MPZL3: variants seen among roughly 807,000 people sequenced by gnomAD.
The protein encoded by MPZL3 is myelin protein zero like 3.
Under a neutral mutation model 24.8 loss-of-function variants are expected in MPZL3, and 23 were observed. The observed-to-expected ratio is 0.93, with a 90% CI of 0.67 to 1.31. The LOEUF is 1.31. Ranked by LOEUF, MPZL3 falls within the 40% of genes most tolerant of loss-of-function variation. The pLI is 0.00. For synonymous variants in MPZL3, 99 were observed against 106.5 expected (o/e 0.93, Z 0.44); for missense variants, 277 against 294.9 (o/e 0.94, Z 0.44).
At chr11:118,242,315 A>G (rs1272108619) in intron 1 of MPZL3, among the ~76,000 whole-genome samples, 2 of 152,248 alleles carry the variant, frequency 1.3e-5, no homozygotes, top group East Asian at 3.8e-4. Context: ...CAATCAAAAA[A>G]GAAAATTTTT....
rs1949303523 is a variant in MPZL3, at chr11:118,228,593, C to T, written c.*1301G>A. The T allele has an allele frequency of 1.3e-5, 2 of 152,174 alleles. No homozygotes were observed. Among genetic ancestry groups the T allele is most frequent in the Admixed American group, 6.6e-5 (1 of 15,266 alleles). 9.4% of individuals were successfully genotyped at this position (152,174 alleles called of 1,614,324 possible). On this transcript the variant is annotated 3_prime_UTR_variant, in exon 6 of 6. Transcript: ENST00000278949. ...GAGAGAATACAAAGGAGAAGTATGT[C>T]ATGCACAATCTCACTTCCTCATCTC...
chr11:118,247,595 G>A (rs1477230027), intron 1 of MPZL3, among the ~76,000 whole-genome samples: 1 of 152,108 alleles, frequency 6.6e-6, no homozygotes, highest in Non-Finnish European at 1.5e-5. Flanking sequence ...CAGAAAACCT[G>A]CTTGGAAAGT....
intron 1 of MPZL3, among the ~76,000 whole-genome samples, chr11:118,244,942 G>A (rs966206432): frequency 6.6e-6 from 1 of 152,004 alleles, no homozygotes; most frequent in Non-Finnish European, 1.5e-5. Context: ...GGGGCGTGGT[G>A]GCAGGTGCCT....
chr11:118,241,063 A>G (rs759183958), intron 1 of MPZL3, among the ~76,000 whole-genome samples: 12 of 152,202 alleles, frequency 7.9e-5, no homozygotes, highest in Non-Finnish European at 1.3e-4. Context: ...ATAAGGTACC[A>G]TTTTAAAACC....
Position 118,235,283 on chromosome 11 carries a change from A to T in MPZL3, c.617+141T>A, listed in dbSNP as rs184596271. On this transcript the variant is annotated intron_variant, in intron 4 of 5. Transcript: ENST00000278949. ...TTCAACCTTCCTTTTGGCGCCCCTT[A>T]GCAGAACTATTCTCTTTGAAAAGAA... 71 of 1,047,648 alleles carry T rather than the reference A, an allele frequency of 6.8e-5. No individual in the cohort carries two copies. The East Asian group carries it at 1.6e-3, about 23-fold the overall frequency. The allele number at this position is 1,047,648 out of a possible 1,614,324, so 64.9% of individuals were successfully genotyped here. A position where few individuals can be genotyped will look rare whatever the true frequency, so the allele number is the denominator to read the frequency against.
chr11:118,245,328 C>A (rs1173286195), intron 1 of MPZL3, among the ~76,000 whole-genome samples: 1 of 151,986 alleles, frequency 6.6e-6, no homozygotes, highest in African/African-American at 2.4e-5. Context: ...GGCAATAGAG[C>A]AAGACTTCAT....
In MPZL3 at chr11:118,233,511, C is replaced by A; in HGVS notation, c.630G>T (p.Glu210Asp). The part of the protein sequence containing the change: ...SIEVSDDTDQ[E>D]EEEACMARLC... ...GCCTCGCCATACACGCCTCTTCCTC[C>A]TCCTGATCAGTGCTGTAAAAAGAGG... The change falls in exon 5 of 6, where the codon GAG (glutamate) becomes GAT (aspartate). Residue 210 changes from glutamate (E) to aspartate (D), a missense_variant. Coordinates refer to ENST00000278949, the MANE Select transcript of MPZL3 (RefSeq NM_198275.3). The A allele has an allele frequency of 6.2e-7, 1 of 1,613,864 alleles. No homozygotes were observed. The highest frequency in any genetic ancestry group is 8.5e-7 in the Non-Finnish European group (1 of 1,179,858).
At position 118,228,567 on chromosome 11, in the gene MPZL3, T is replaced by A. The variant is rs1479112090; in HGVS notation, c.*1327A>T. The A allele has an allele frequency of 6.6e-6, 1 of 152,228 alleles. No homozygotes were observed. Among genetic ancestry groups the A allele is most frequent in the Non-Finnish European group, 1.5e-5 (1 of 68,034 alleles). 9.4% of individuals were successfully genotyped at this position (152,228 alleles called of 1,614,324 possible). A position where few individuals can be genotyped will look rare whatever the true frequency, so the allele number is the denominator to read the frequency against. On this transcript the variant is annotated 3_prime_UTR_variant, in exon 6 of 6. Transcript: ENST00000278949. ...AATGGAGTAACCTGCTGTAAGGCAC[T>A]GAGAGAATACAAAGGAGAAGTATGT...
At chr11:118,238,312 A>T (rs1949451079) in intron 2 of MPZL3, among the ~76,000 whole-genome samples, 1 of 152,194 alleles carries the variant, frequency 6.6e-6, no homozygotes, top group African/African-American at 2.4e-5. Flanking sequence ...TTGACAATTA[A>T]TATAATCCCT....
At chr11:118,232,607 A>G (rs983327554) in intron 5 of MPZL3, among the ~76,000 whole-genome samples, 17 of 152,120 alleles carry the variant, frequency 1.1e-4, no homozygotes, top group Non-Finnish European at 1.2e-4. Flanking sequence ...AATGTGGATA[A>G]TAACCGTATG....
Position 118,232,911 on chromosome 11 carries a change from C to G in MPZL3, c.681+549G>C, listed in dbSNP as rs551147172. Among the ~76,000 whole-genome samples, 28 of 152,226 alleles carry G rather than the reference C, an allele frequency of 1.8e-4. No individual in the cohort carries two copies. In the South Asian group the frequency reaches 4.1e-3, roughly 23 times the overall value. On this transcript the variant is annotated intron_variant, in intron 5 of 5. Transcript: ENST00000278949. ...CCTCCTGCTGGGATCCTAGGACACC[C>G]ACCCCAGCCTCCTAATTGGACTCTC...
intron 1 of MPZL3, among the ~76,000 whole-genome samples, chr11:118,240,783 A>ACACACACACACACACACACT (rs1418485892): frequency 3.6e-5 from 5 of 140,546 alleles, no homozygotes; most frequent in Non-Finnish European, 6.2e-5. Flanking sequence ...ACACACACAC[A>ACACACACACACACACACACT]CTCTGGGAAT....
At chr11:118,250,090 C>T (rs1281282832) in intron 1 of MPZL3, among the ~76,000 whole-genome samples, 1 of 151,952 alleles carries the variant, frequency 6.6e-6, no homozygotes, top group African/African-American at 2.4e-5. Flanking sequence ...CAACTCCGAC[C>T]TCCCAGGTTC....
chr11:118,233,363 A>G (rs1949377553), intron 5 of MPZL3, 97 bp downstream of exon 5: 2 of 1,364,358 alleles, frequency 1.5e-6, no homozygotes, highest in South Asian at 2.3e-5. Flanking sequence ...ACCTACCTGC[A>G]TATCCTCTGC....
Position 118,252,186 on chromosome 11 carries a change from GGCCGGAAGTGGAGCGTAGCCA to G in MPZL3, c.73+15_73+35del. 6.2e-7 allele frequency: 1 copy of G among 1,609,794 alleles called. No individual in the cohort carries two copies. Among genetic ancestry groups the G allele is most frequent in the Non-Finnish European group, 8.5e-7 (1 of 1,177,194 alleles). ...AAGCGACCATCTTCCCTAACCCCCC[GGCCGGAAGTGGAGCGTAGCCA>G]GCCGGAGCACTCACCCTGGAAGAAC... On this transcript the variant is annotated intron_variant, in intron 1 of 5. Transcript: ENST00000278949.
intron 1 of MPZL3, among the ~76,000 whole-genome samples, chr11:118,245,347 G>GA (rs994969270): frequency 6.6e-6 from 1 of 151,836 alleles, no homozygotes; most frequent in East Asian, 1.9e-4. Context: ...ATCTCTTAAA[G>GA]AAAAAAAAGA....
rs149946560 is a variant in MPZL3, at chr11:118,239,688, C to T, written c.240+523G>A. On this transcript the variant is annotated intron_variant, in intron 2 of 5. Coordinates refer to ENST00000278949, the MANE Select transcript of MPZL3 (RefSeq NM_198275.3). ...CAACATCTGTCACCAACACGAGGTG[C>T]CACCATTTCCTTCAAAGGCAGCCAT... 3.9e-3 allele frequency among the ~76,000 whole-genome samples: 594 copies of T among 152,280 alleles called. 3 individuals are homozygous for T. The highest frequency in any genetic ancestry group is 7.5e-3 in the South Asian group (36 of 4,826).
intron 1 of MPZL3, among the ~76,000 whole-genome samples, chr11:118,247,490 T>C (rs551047310): frequency 1.3e-5 from 2 of 152,308 alleles, no homozygotes; most frequent in Admixed American, 1.3e-4. Context: ...AAGAGGTGTA[T>C]TAATACTTAA....
chr11:118,231,260 G>C (rs1223794161), intron 5 of MPZL3, among the ~76,000 whole-genome samples: 1 of 152,148 alleles, frequency 6.6e-6, no homozygotes, highest in African/African-American at 2.4e-5. Flanking sequence ...TGACACAGTT[G>C]ATCACTCTCT....
Sources: gnomAD v4.1 joint callset for allele counts (sites outside exome capture counted in the v4.1 genomes callset) on GRCh38, gnomAD v4.1.1 for gene constraint, MANE v1.5 for transcripts, NCBI Gene and HGNC (gene_info 2026-07-23, HGNC 2026-07-21) for gene names.